Variants in MDFIC2 observed in about 807,000 individuals in gnomAD.
MDFIC2 encodes MyoD family inhibitor domain containing 2, also known as myoD family inhibitor domain-containing protein 2.
chr3:70,242,180 T>A (rs1328794488), intron 2 of MDFIC2, among the ~76,000 whole-genome samples: 3 of 152,192 alleles, frequency 2.0e-5, no homozygotes, highest in Non-Finnish European at 4.4e-5. Context: ...AGGCTGGGGA[T>A]TGGGCTTCTG....
intron 2 of MDFIC2, among the ~76,000 whole-genome samples, chr3:70,240,629 C>T (rs1217177220): frequency 1.3e-5 from 2 of 152,012 alleles, no homozygotes; most frequent in Non-Finnish European, 2.9e-5. Context: ...ATTCCTTCAG[C>T]GTCAATTATA....
chr3:70,302,631 G>A (rs755617334), intron 2 of MDFIC2: 7 of 152,138 alleles, frequency 4.6e-5, no homozygotes, highest in Non-Finnish European at 8.8e-5. Context: ...TGGAGGATTG[G>A]TTCCTGGTCT....
intron 2 of MDFIC2, among the ~76,000 whole-genome samples, chr3:70,242,477 A>T (rs1701673627): frequency 6.6e-6 from 1 of 152,180 alleles, no homozygotes; most frequent in Non-Finnish European, 1.5e-5. Flanking sequence ...TGGGGCAGTT[A>T]CTTGGACAAG....
At chr3:70,278,453 C>CT (rs2106678878) in intron 2 of MDFIC2, among the ~76,000 whole-genome samples, 1 of 152,258 alleles carries the variant, frequency 6.6e-6, no homozygotes, top group South Asian at 2.1e-4. Context: ...AATGGGAAGA[C>CT]TTTTAGCTTT....
chr3:70,207,033 CTT>C (rs11317960), intron 2 of MDFIC2, among the ~76,000 whole-genome samples: 13,664 of 139,524 alleles, frequency 0.098, 1,073 homozygotes, highest in African/African-American at 0.23. Flanking sequence ...CTTATTTCTA[CTT>C]TTTTTTTTTT....
At chr3:70,293,751 CTT>C (rs1043004324) in intron 2 of MDFIC2, among the ~76,000 whole-genome samples, 1 of 151,554 alleles carries the variant, frequency 6.6e-6, no homozygotes, top group African/African-American at 2.4e-5. Flanking sequence ...TCTGGATAGT[CTT>C]AGGAAAAATA....
At chr3:70,236,627 A>T (rs1701611822) in intron 2 of MDFIC2, among the ~76,000 whole-genome samples, 2 of 152,008 alleles carry the variant, frequency 1.3e-5, no homozygotes, top group African/African-American at 4.8e-5. Context: ...ACAGGGTCTC[A>T]CTCTGTCACC....
chr3:70,216,685 A>G (rs1701415225), intron 2 of MDFIC2, among the ~76,000 whole-genome samples: 1 of 152,152 alleles, frequency 6.6e-6, no homozygotes, highest in Non-Finnish European at 1.5e-5. Flanking sequence ...AAGCTTATTG[A>G]AAAACATACT....
At position 70,285,040 on chromosome 3, in the gene MDFIC2, AT is replaced by A. The variant is rs1159319520; in HGVS notation, c.88+26845del. 1.9e-3 allele frequency among the ~76,000 whole-genome samples: 285 copies of A among 147,440 alleles called. 1 individual carries two copies. Among genetic ancestry groups the A allele is most frequent in the African/African-American group, 5.7e-3 (228 of 39,926 alleles). ...TTTTTTTATTTTTTATTTTTTACTT[AT>A]TTTTTTTTAACTTTTTTTTTCTTTT... On this transcript the variant is annotated intron_variant, in intron 2 of 3. Transcript: ENST00000567252.
chr3:70,220,630 G>C (rs1479756435), intron 2 of MDFIC2, among the ~76,000 whole-genome samples: 1 of 152,062 alleles, frequency 6.6e-6, no homozygotes, highest in African/African-American at 2.4e-5. Context: ...TGAGGTGTTT[G>C]GTCTCCCTTT....
At chr3:70,201,549 C>G (rs1170576801) in intron 3 of MDFIC2, among the ~76,000 whole-genome samples, 2 of 152,154 alleles carry the variant, frequency 1.3e-5, no homozygotes, top group Non-Finnish European at 2.9e-5. Flanking sequence ...GAGTTGAGTA[C>G]TATTATGATC....
At chr3:70,282,571 G>A (rs1353601052) in intron 2 of MDFIC2, among the ~76,000 whole-genome samples, 3 of 152,120 alleles carry the variant, frequency 2.0e-5, no homozygotes, top group Admixed American at 6.5e-5. Context: ...GCAGTCTCCT[G>A]AATCAGGAAC....
chr3:70,203,590 A>G (rs1403756520), intron 3 of MDFIC2, among the ~76,000 whole-genome samples: 1 of 152,196 alleles, frequency 6.6e-6, no homozygotes, highest in Non-Finnish European at 1.5e-5. Flanking sequence ...GAACTGAAAT[A>G]ATTATAAAAT....
chr3:70,243,701 C>T (rs1162805343), intron 2 of MDFIC2, among the ~76,000 whole-genome samples: 3 of 152,072 alleles, frequency 2.0e-5, no homozygotes, highest in African/African-American at 7.2e-5. Flanking sequence ...CCTAACGTCC[C>T]CTGGGGAGTG....
intron 2 of MDFIC2, among the ~76,000 whole-genome samples, chr3:70,242,515 T>G (rs768069132): frequency 1.3e-5 from 2 of 152,210 alleles, no homozygotes; most frequent in Non-Finnish European, 2.9e-5. Flanking sequence ...TGTTTCCTGT[T>G]GTTCTTGGCC....
intron 2 of MDFIC2, among the ~76,000 whole-genome samples, chr3:70,284,833 A>G (rs1406235356): frequency 2.6e-5 from 4 of 152,084 alleles, no homozygotes; most frequent in Non-Finnish European, 5.9e-5. Context: ...TAGTCTGTAT[A>G]ACAAACCCCC....
At chr3:70,255,784 T>C (rs985055387) in intron 2 of MDFIC2, among the ~76,000 whole-genome samples, 1 of 152,194 alleles carries the variant, frequency 6.6e-6, no homozygotes, top group Non-Finnish European at 1.5e-5. Flanking sequence ...CTGCAGCTTA[T>C]GTGCCCTCTG....
chr3:70,278,692 A>G (rs1702051790), intron 2 of MDFIC2, among the ~76,000 whole-genome samples: 1 of 152,178 alleles, frequency 6.6e-6, no homozygotes, highest in African/African-American at 2.4e-5. Context: ...ATGCTAGGGC[A>G]TATCCAACCT....
intron 3 of MDFIC2, among the ~76,000 whole-genome samples, chr3:70,198,872 C>T (rs1701207485): frequency 6.6e-6 from 1 of 152,106 alleles, no homozygotes; most frequent in Non-Finnish European, 1.5e-5. Flanking sequence ...AAACCTCCCA[C>T]AAAAATGCAA....
Sources: gnomAD v4.1 joint callset for allele counts (sites outside exome capture counted in the v4.1 genomes callset) on GRCh38, gnomAD v4.1.1 for gene constraint, MANE v1.5 for transcripts, NCBI Gene and HGNC (gene_info 2026-07-23, HGNC 2026-07-21) for gene names.